The following MUC3A variants were observed in gnomAD, a reference collection of about 807,000 sequenced individuals.
MUC3A encodes the protein mucin-3A.
A neutral mutation model predicts 109.0 loss-of-function variants in MUC3A; 109 were observed. The ratio of observed to expected loss-of-function variants is 1.00; its 90% confidence interval spans 0.86 to 1.17. The LOEUF (loss-of-function observed/expected upper bound fraction) is 1.17, where lower values mean the gene tolerates loss of function less well. Ranked by LOEUF, MUC3A falls within the 50% of genes most tolerant of loss-of-function variation. The pLI is 0.00. For synonymous variants in MUC3A, 1,398 were observed against 981.4 expected (o/e 1.42, Z -7.93); for missense variants, 3,537 against 2,469.4 (o/e 1.43, Z -9.16).
At position 100,964,710 on chromosome 7, in the gene MUC3A, G is replaced by T. The variant is rs765980234; in HGVS notation, c.9249G>T (p.Val3083=). 3.2e-5 allele frequency: 51 copies of T among 1,598,196 alleles called. No individual in the cohort carries two copies. Among genetic ancestry groups the T allele is most frequent in the Non-Finnish European group, 4.1e-5 (48 of 1,179,664 alleles). ...EILSLRNGSI[V]VDYLVLLEMP... ...GACCCCTCAGGAATGGCAGCATCGT[G>T]GTGGACTACCTGGTCCTGCTGGAGA... The change falls in exon 6 of 12, where the codon GTG becomes GTT. Residue 3083 remains valine (V), a synonymous_variant. Coordinates refer to ENST00000379458, the MANE Select transcript of MUC3A (RefSeq NM_005960.2).
Position 100,967,060 on chromosome 7 carries a change from A to G in MUC3A, c.9931-61A>G. The stretch of plus-strand genomic sequence containing the variant: ...GGGGGCTGGGCTCGGATCAGCAGTG[A>G]CCTCCCTGTCAGCCCAAACCAGTGG... On this transcript the variant is annotated intron_variant, in intron 11 of 11. Coordinates refer to ENST00000379458, the MANE Select transcript of MUC3A (RefSeq NM_005960.2). 3.8e-6 allele frequency: 6 copies of G among 1,598,466 alleles called. No homozygotes were observed. The South Asian group carries it at 5.5e-5, about 15-fold the overall frequency.
chr7:100,954,115 C>T lies in MUC3A; in HGVS notation c.2336C>T (p.Ser779Phe). Residue 779 changes from serine (S) to phenylalanine (F), a missense_variant, in exon 2 of 12, where the codon TCT becomes TTT. Physicochemically the swap from Ser to Phe is radical, Grantham distance 155. Coordinates refer to ENST00000379458, the MANE Select transcript of MUC3A (RefSeq NM_005960.2). ...TCACATAGTACCACCAGCTTCACTT[C>T]TTCAACCGTCTACTCCACAGCCAGC... Reference protein sequence around the residue: ...TTSHSTTSFTSSTVYSTASTY... With the variant: ...TTSHSTTSFTFSTVYSTASTY... 1.7e-6 allele frequency: 1 copy of T among 594,732 alleles called. No individual in the cohort carries two copies. The highest frequency in any genetic ancestry group is 2.9e-5 in the East Asian group (1 of 34,078). The allele number at this position is 594,732 out of a possible 1,614,324, so 36.8% of individuals were successfully genotyped here.
rs1792648903 is a variant in MUC3A at position 100,967,566 on chromosome 7, C to G, written c.*404C>G. 2.3e-6 allele frequency: 1 copy of G among 425,968 alleles called. No homozygotes were observed. The highest frequency in any genetic ancestry group is 2.0e-5 in the African/African-American group (1 of 50,130). 26.4% of individuals were successfully genotyped at this position (425,968 alleles called of 1,614,324 possible). On this transcript the variant is annotated 3_prime_UTR_variant, in exon 12 of 12. Coordinates refer to ENST00000379458, the MANE Select transcript of MUC3A (RefSeq NM_005960.2). The stretch of plus-strand genomic sequence containing the variant: ...CTCTCGGATCCTCCAATCCTCACGT[C>G]CTTCACCTGGTCTCTGGCCCTGGTT...
At chr7:100,950,079 G>A (rs74530073) in intron 1 of MUC3A, among the ~76,000 whole-genome samples, 1 of 152,178 alleles carries the variant, frequency 6.6e-6, no homozygotes, top group South Asian at 2.1e-4. Context: ...CCCCCAGCTT[G>A]AGTGTCCCCT....
intron 7 of MUC3A, 100 bp downstream of exon 7, chr7:100,965,447 G>T: frequency 2.7e-6 from 4 of 1,505,762 alleles, no homozygotes; most frequent in Non-Finnish European, 3.6e-6. Flanking sequence ...GAGACCTTTG[G>T]GGGAGGCAAG....
intron 6 of MUC3A, 148 bp downstream of exon 6, chr7:100,964,991 T>C: frequency 3.1e-6 from 4 of 1,300,046 alleles, no homozygotes; most frequent in South Asian, 1.5e-5. Context: ...CACAACGGTG[T>C]CAAGGGTGGG....
rs79636720 is a variant in MUC3A, at chr7:100,949,606, C to G, written c.-19C>G. The G allele has an allele frequency of 7.0e-7, 1 of 1,437,986 alleles. No homozygotes were observed. The highest frequency in any genetic ancestry group is 9.3e-7 in the Non-Finnish European group (1 of 1,077,530). The allele number at this position is 1,437,986 out of a possible 1,614,324, so 89.1% of individuals were successfully genotyped here. A position where few individuals can be genotyped will look rare whatever the true frequency, so the allele number is the denominator to read the frequency against. ...GGTCCTGAAGCCTGTTCTGCCCCAGCCCCCTGCCCGCTGGGCCCATGCAGC... is the reference window on the plus strand; with the variant it reads ...GGTCCTGAAGCCTGTTCTGCCCCAGGCCCCTGCCCGCTGGGCCCATGCAGC... On this transcript the variant is annotated 5_prime_UTR_variant, in exon 1 of 12. Coordinates refer to ENST00000379458, the MANE Select transcript of MUC3A (RefSeq NM_005960.2).
chr7:100,959,309 C>T lies in MUC3A; in HGVS notation c.7530C>T (p.Pro2510=), dbSNP rs1207075100. Residue 2510 remains proline, a synonymous_variant, in exon 2 of 12, where the codon CCC becomes CCT. Coordinates refer to ENST00000379458, the MANE Select transcript of MUC3A (RefSeq NM_005960.2). ...STSLTTTTDF[P]SIPTDISTLP... ...CATTGACTACAACCACAGACTTTCC[C>T]TCTATACCCACTGATATCAGTACCT... is the stretch of plus-strand genomic sequence containing the variant. 1.3e-6 allele frequency: 2 copies of T among 1,574,620 alleles called. No individual in the cohort carries two copies. The highest frequency in any genetic ancestry group is 1.3e-5 in the African/African-American group (1 of 74,722).
At position 100,953,785 on chromosome 7, in the gene MUC3A, C is replaced by T. The variant is rs1792032444; in HGVS notation, c.2006C>T (p.Ser669Phe). 3 of 437,300 alleles carry T rather than the reference C, an allele frequency of 6.9e-6. No individual in the cohort carries two copies. The highest frequency in any genetic ancestry group is 3.0e-4 in the Middle Eastern group (1 of 3,344). The allele number at this position is 437,300 out of a possible 1,614,324, so 27.1% of individuals were successfully genotyped here. Residue 669 changes from serine to phenylalanine, a missense_variant, in exon 2 of 12, where the codon TCT becomes TTT. Coordinates refer to ENST00000379458, the MANE Select transcript of MUC3A (RefSeq NM_005960.2). ...ACATCACTGACCAGTATGCCTCTGT[C>T]TTCTACACCTGTCCCAAGCACAGAA... ...SFTSLTSMPLSSTPVPSTEVV... is the reference protein window; with the variant it reads ...SFTSLTSMPLFSTPVPSTEVV...
At chr7:100,966,242 G>GAGACC (rs2116227809) in intron 8 of MUC3A, 144 bp from the exon 9 acceptor site, 1 of 959,398 alleles carries the variant, frequency 1.0e-6, no homozygotes, top group African/African-American at 1.7e-5. Flanking sequence ...TTCTAGGGTG[G>GAGACC]ATTCCCAGCC....
In MUC3A at chr7:100,953,744, A is replaced by G; in HGVS notation, c.1965A>G (p.Thr655=). 2.2e-6 allele frequency: 1 copy of G among 449,532 alleles called. No individual in the cohort carries two copies. Among genetic ancestry groups the G allele is most frequent in the Non-Finnish European group, 3.9e-6 (1 of 255,088 alleles). The allele number at this position is 449,532 out of a possible 1,614,324, so 27.8% of individuals were successfully genotyped here. The change falls in exon 2 of 12, where the codon ACA becomes ACG. Residue 655 remains threonine (T), a synonymous_variant. Coordinates refer to ENST00000379458, the MANE Select transcript of MUC3A (RefSeq NM_005960.2). ...TGACAACTACGACCTCTCCTCCCACAACCACCAATTCTTTTACATCACTGA... is the reference window on the plus strand; with the variant it reads ...TGACAACTACGACCTCTCCTCCCACGACCACCAATTCTTTTACATCACTGA... ...TSMTTTTSPP[T]TTNSFTSLTS... is the part of the protein sequence containing the mutation.
Position 100,966,408 on chromosome 7 carries a change from T to C in MUC3A, c.9634T>C (p.Trp3212Arg). ...TCRCYSTDTH[W>R]FSGPRCEVAV... ...CAGCTGCTACTCCACCGACACGCAC[T>C]GGTTCTCTGGCCCGCGCTGCGAGGT... The change falls in exon 9 of 12, where the codon TGG (tryptophan) becomes CGG (arginine). Residue 3212 changes from tryptophan (W) to arginine (R), a missense_variant. Transcript: ENST00000379458. 1.5e-6 allele frequency: 2 copies of C among 1,350,212 alleles called. No homozygotes were observed. The highest frequency in any genetic ancestry group is 1.9e-6 in the Non-Finnish European group (2 of 1,057,564). 83.6% of individuals were successfully genotyped at this position (1,350,212 alleles called of 1,614,324 possible). A position where few individuals can be genotyped will look rare whatever the true frequency, so the allele number is the denominator to read the frequency against.
chr7:100,962,635 T>C (rs117403094), intron 3 of MUC3A, among the ~76,000 whole-genome samples: 18 of 152,170 alleles, frequency 1.2e-4, no homozygotes, highest in Non-Finnish European at 1.9e-4. Context: ...GCTCTCTTCT[T>C]TCTTTTCTTC....
intron 10 of MUC3A, 58 bp downstream of exon 10, chr7:100,966,801 C>G: frequency 6.3e-7 from 1 of 1,598,334 alleles, no homozygotes; most frequent in South Asian, 1.1e-5. Flanking sequence ...ACTGCGAGGA[C>G]AGACGCCCTC....
chr7:100,953,662 C>G lies in MUC3A; in HGVS notation c.1883C>G (p.Ala628Gly). 1 of 417,656 alleles carries G rather than the reference C, an allele frequency of 2.4e-6. No homozygotes were observed. Among genetic ancestry groups the G allele is most frequent in the Non-Finnish European group, 4.2e-6 (1 of 238,220 alleles). 25.9% of individuals were successfully genotyped at this position (417,656 alleles called of 1,614,324 possible). Residue 628 changes from alanine to glycine, a missense_variant, in exon 2 of 12, where the codon GCC (alanine) becomes GGC (glycine). Physicochemically the swap from Ala to Gly is moderately conservative, Grantham distance 60. Transcript: ENST00000379458. Reference sequence around the variant, plus strand: ...ATGTCCACAGAATCTCTCACAACAGCCATGACTTCTCCTCCCATCACTTCA... The same window carrying G: ...ATGTCCACAGAATCTCTCACAACAGGCATGACTTCTCCTCCCATCACTTCA... ...TDMSTESLTT[A>G]MTSPPITSSV...
Position 100,966,254 on chromosome 7 carries a change from C to T in MUC3A, c.9612-132C>T, listed in dbSNP as rs1196020627. The T allele has an allele frequency of 2.3e-5, 10 of 428,296 alleles. No individual in the cohort carries two copies. The Admixed American group carries it at 6.7e-4, about 29-fold the overall frequency. 26.5% of individuals were successfully genotyped at this position (428,296 alleles called of 1,614,324 possible). A position where few individuals can be genotyped will look rare whatever the true frequency, so the allele number is the denominator to read the frequency against. ...TCGTTCTAGGGTGGATTCCCAGCCCCTTGTCTAGGGTGGAACCCCCCGCTG... is the reference window on the plus strand; with the variant it reads ...TCGTTCTAGGGTGGATTCCCAGCCCTTTGTCTAGGGTGGAACCCCCCGCTG... On this transcript the variant is annotated intron_variant, in intron 8 of 11. Coordinates refer to ENST00000379458, the MANE Select transcript of MUC3A (RefSeq NM_005960.2).
Position 100,952,516 on chromosome 7 carries a change from T to G in MUC3A, c.737T>G (p.Phe246Cys). Residue 246 changes from phenylalanine (F) to cysteine (C), a missense_variant, in exon 2 of 12, where the codon TTT becomes TGT. By Grantham distance (205) the Phe-to-Cys change is radical. Coordinates refer to ENST00000379458, the MANE Select transcript of MUC3A (RefSeq NM_005960.2). Reference protein sequence around the residue: ...IHTTTSPTPVFTTLKTAVTST... With the variant: ...IHTTTSPTPVCTTLKTAVTST... ...ACAACCACGTCCCCAACCCCAGTAT[T>G]TACTACTCTCAAAACAGCAGTGACT... 6.3e-7 allele frequency: 1 copy of G among 1,598,484 alleles called. No homozygotes were observed. Among genetic ancestry groups the G allele is most frequent in the Non-Finnish European group, 8.5e-7 (1 of 1,179,736 alleles).
At chr7:100,966,125 C>G (rs952447632) in intron 8 of MUC3A, 1 of 509,026 alleles carries the variant, frequency 2.0e-6, no homozygotes, top group Non-Finnish European at 3.2e-6. Context: ...GCCCCGCCTC[C>G]TCGTTCTAGG....
chr7:100,954,974 A>G lies in MUC3A; in HGVS notation c.3195A>G (p.Leu1065=). The change falls in exon 2 of 12, where the codon CTA becomes CTG. Residue 1065 remains leucine, a synonymous_variant. Coordinates refer to ENST00000379458, the MANE Select transcript of MUC3A (RefSeq NM_005960.2). ...ITSHTTNTTP[L]STLVTTLLTT... ...GTCATACCACAAACACCACCCCTCT[A>G]TCCACCTTGGTGACTACACTCCTCA... 1 of 558,008 alleles carries G rather than the reference A, an allele frequency of 1.8e-6. No homozygotes were observed. The highest frequency in any genetic ancestry group is 2.9e-5 in the East Asian group (1 of 34,306). The allele number at this position is 558,008 out of a possible 1,614,324, so 34.6% of individuals were successfully genotyped here. A position where few individuals can be genotyped will look rare whatever the true frequency, so the allele number is the denominator to read the frequency against.
Sources: gnomAD v4.1 joint callset for allele counts (sites outside exome capture counted in the v4.1 genomes callset) on GRCh38, gnomAD v4.1.1 for gene constraint, MANE v1.5 for transcripts, NCBI Gene and HGNC (gene_info 2026-07-23, HGNC 2026-07-21) for gene names.